The following CDKL3 variants were observed in gnomAD, a reference collection of about 807,000 sequenced individuals.
CDKL3 encodes the protein cyclin-dependent kinase-like 3.
In CDKL3, 65 loss-of-function variants were observed where a neutral mutation model predicts 69.3. The ratio of observed to expected loss-of-function variants is 0.94; its 90% CI spans 0.77 to 1.15. The LOEUF is 1.15. Among genes scored for constraint, CDKL3 ranks in the 50% most tolerant of loss-of-function variants. The pLI is 0.00. For missense variants in CDKL3, 652 were observed against 689.2 expected, an observed-to-expected ratio of 0.95 and a Z score of 0.61; for synonymous variants, 202 against 221.6, an observed-to-expected ratio of 0.91 and a Z score of 0.79.
chr5:134,370,577 G>A (rs1400281925), upstream of CDKL3, among the ~76,000 whole-genome samples: 1 of 152,200 alleles, frequency 6.6e-6, no homozygotes, highest in Non-Finnish European at 1.5e-5. Context: ...CCATAGGCAA[G>A]TCCCCGGACT....
intron 4 of CDKL3, among the ~76,000 whole-genome samples, chr5:134,327,822 G>A (rs1339422130): frequency 6.6e-6 from 1 of 152,166 alleles, no homozygotes; most frequent in Non-Finnish European, 1.5e-5. Context: ...TAACAGCTAG[G>A]AGTAGCCAGG....
intron 8 of CDKL3, among the ~76,000 whole-genome samples, chr5:134,292,503 T>A (rs1765164158): frequency 6.6e-6 from 1 of 151,612 alleles, no homozygotes; most frequent in African/African-American, 2.4e-5. Flanking sequence ...AAAAGAAAGG[T>A]CTCAAATCAA....
intron 8 of CDKL3, among the ~76,000 whole-genome samples, chr5:134,288,699 C>A (rs568874771): frequency 6.6e-6 from 1 of 152,276 alleles, no homozygotes; most frequent in Non-Finnish European, 1.5e-5. Flanking sequence ...CAGTGAACTA[C>A]TAAATTTCAT....
intron 3 of CDKL3, among the ~76,000 whole-genome samples, chr5:134,352,998 A>T (rs1581190070): frequency 6.6e-6 from 1 of 152,326 alleles, no homozygotes; most frequent in East Asian, 1.9e-4. Flanking sequence ...ATAATTGCCC[A>T]GATCCAATGT....
At chr5:134,284,964 G>A (rs183841339), downstream of CDKL3, among the ~76,000 whole-genome samples, 102 of 152,304 alleles carry the variant, frequency 6.7e-4, no homozygotes, top group African/African-American at 2.3e-3. Flanking sequence ...GTCCCGAGGC[G>A]ACATACATCC....
At chr5:134,347,831 C>T (rs547715212) in intron 4 of CDKL3, among the ~76,000 whole-genome samples, 4 of 151,622 alleles carry the variant, frequency 2.6e-5, no homozygotes, top group South Asian at 2.1e-4. Flanking sequence ...AAATCCATAG[C>T]GAATGAAAGC....
chr5:134,298,594 A>C lies in CDKL3; in HGVS notation c.*57T>G. The C allele has an allele frequency of 6.3e-7, 1 of 1,593,536 alleles. No homozygotes were observed. Among genetic ancestry groups the C allele is most frequent in the Non-Finnish European group, 8.5e-7 (1 of 1,172,338 alleles). On this transcript the variant is annotated 3_prime_UTR_variant, in exon 13 of 13. Transcript: ENST00000265334. ...TCACATCACACTTCTATTGTAGATA[A>C]ATAAAACGGGAAGAGTTGTCATCTT...
At chr5:134,295,170 C>T (rs950637517), downstream of CDKL3, among the ~76,000 whole-genome samples, 7 of 151,852 alleles carry the variant, frequency 4.6e-5, no homozygotes, top group African/African-American at 1.7e-4. Flanking sequence ...GTGCCTACCA[C>T]CACATACAGC....
intron 4 of CDKL3, among the ~76,000 whole-genome samples, chr5:134,325,073 G>A (rs980876223): frequency 6.6e-6 from 1 of 152,218 alleles, no homozygotes; most frequent in African/African-American, 2.4e-5. Context: ...AGCTACTTTG[G>A]AGGCTGAGGC....
chr5:134,312,054 G>A (rs55721068), intron 7 of CDKL3, among the ~76,000 whole-genome samples: 21,376 of 152,056 alleles, frequency 0.14, 1,843 homozygotes, highest in African/African-American at 0.23. Context: ...CCTCAGCTTC[G>A]CAAAGTGCTG....
chr5:134,343,033 C>T (rs750130505), intron 4 of CDKL3, among the ~76,000 whole-genome samples: 79 of 152,002 alleles, frequency 5.2e-4, no homozygotes, highest in African/African-American at 1.6e-3. Flanking sequence ...GGTGAAATCC[C>T]GTCTCTACAA....
At chr5:134,302,788 T>C in intron 11 of CDKL3, 101 bp from the exon 12 acceptor site, 3 of 616,914 alleles carry the variant, frequency 4.9e-6, no homozygotes, top group Middle Eastern at 8.5e-4. Flanking sequence ...TAAGTCAGTT[T>C]CTCAGTTTAT....
At chr5:134,342,367 G>A (rs1278399943) in intron 4 of CDKL3, among the ~76,000 whole-genome samples, 1 of 152,162 alleles carries the variant, frequency 6.6e-6, no homozygotes, top group African/African-American at 2.4e-5. Context: ...GGGAGGCCGA[G>A]GCAGGTGGAT....
At position 134,348,247 on chromosome 5, in the gene CDKL3, A is replaced by AT. The variant is rs1318686885; in HGVS notation, c.539+2001dup. On this transcript the variant is annotated intron_variant, in intron 4 of 12. Coordinates refer to ENST00000265334, the MANE Select transcript of CDKL3 (RefSeq NM_001113575.2). ...TTATTTTAAAAAATGCAAGGAAATGATTACAATAAAAATCAGTATCGTGGT... is the reference window on the plus strand; with the variant it reads ...TTATTTTAAAAAATGCAAGGAAATGATTTACAATAAAAATCAGTATCGTGGT... Among the ~76,000 whole-genome samples the AT allele has an allele frequency of 2.6e-5, 4 of 152,158 alleles. No individual in the cohort carries two copies. The East Asian group carries it at 7.7e-4, about 29-fold the overall frequency.
intron 4 of CDKL3, among the ~76,000 whole-genome samples, chr5:134,336,060 T>C (rs996751627): frequency 9.2e-5 from 14 of 152,358 alleles, no homozygotes; most frequent in African/African-American, 3.4e-4. Flanking sequence ...TCTCGCTTTA[T>C]TTCATTAATT....
chr5:134,334,885 G>A (rs1361591726), intron 4 of CDKL3, among the ~76,000 whole-genome samples: 3 of 152,094 alleles, frequency 2.0e-5, no homozygotes, highest in Non-Finnish European at 4.4e-5. Context: ...TTTCTGTCTT[G>A]TTGATCTGTC....
At chr5:134,367,543 T>C (rs909069761), upstream of CDKL3, among the ~76,000 whole-genome samples, 2 of 152,038 alleles carry the variant, frequency 1.3e-5, no homozygotes, top group African/African-American at 4.8e-5. Flanking sequence ...CCGGATAATT[T>C]TGTATTTTTA....
intron 8 of CDKL3, among the ~76,000 whole-genome samples, chr5:134,291,665 T>G (rs551494283): frequency 1.1e-4 from 17 of 151,922 alleles, no homozygotes; most frequent in Non-Finnish European, 2.4e-4. Context: ...TCTCAGCTAC[T>G]TGGGAGGCTG....
At chr5:134,343,336 G>A (rs909864435) in intron 4 of CDKL3, among the ~76,000 whole-genome samples, 4 of 152,158 alleles carry the variant, frequency 2.6e-5, no homozygotes, top group Non-Finnish European at 4.4e-5. Flanking sequence ...GACAGTGAAG[G>A]AGATCTAACT....
Sources: allele counts gnomAD v4.1 joint callset (sites outside exome capture counted in the v4.1 genomes callset), GRCh38; gene constraint gnomAD v4.1.1; transcripts MANE v1.5; gene names NCBI Gene and HGNC (gene_info 2026-07-23, HGNC 2026-07-21).